Variants in ZEB1 observed in about 807,000 individuals in gnomAD.
ZEB1 encodes zinc finger E-box binding homeobox 1.
In ZEB1, 21 loss-of-function variants were observed where a neutral mutation model predicts 84.9. The ratio of observed to expected loss-of-function variants is 0.25; its 90% CI spans 0.18 to 0.36. The LOEUF is 0.36. Among genes scored for constraint, ZEB1 ranks in the 10% least tolerant of loss-of-function variants. ZEB1 has a pLI of 1.00. For synonymous variants in ZEB1, 420 were observed against 471.1 expected, an observed-to-expected ratio of 0.89 and a Z score of 1.41; for missense variants, 1,104 against 1,330.2, an observed-to-expected ratio of 0.83 and a Z score of 2.65.
Position 31,404,747 on chromosome 10 carries a change from T to C in ZEB1, c.59-56290T>C, listed in dbSNP as rs529532364. 9.4e-4 allele frequency among the ~76,000 whole-genome samples: 143 copies of C among 152,266 alleles called. 1 individual carries two copies. The highest frequency in any genetic ancestry group is 3.3e-3 in the African/African-American group (138 of 41,566). On this transcript the variant is annotated intron_variant, in intron 1 of 8. Coordinates refer to ENST00000424869, the MANE Select transcript of ZEB1 (RefSeq NM_001174096.2). Reference sequence around the variant, plus strand: ...AAACTGCACCTCTCCTTTTATTTTTTTCAATCTGAAGATAGTAGCATGCTT... The same window carrying C: ...AAACTGCACCTCTCCTTTTATTTTTCTCAATCTGAAGATAGTAGCATGCTT...
At chr10:31,420,511 CCT>C (rs1465435875) in intron 1 of ZEB1, among the ~76,000 whole-genome samples, 2 of 152,140 alleles carry the variant, frequency 1.3e-5, no homozygotes, top group Non-Finnish European at 1.5e-5. Flanking sequence ...TACTGCTTTG[CCT>C]CTCTGAATTC....
At chr10:31,321,482 T>A in intron 1 of ZEB1, 1 of 1,614,050 alleles carries the variant, frequency 6.2e-7, no homozygotes, top group Non-Finnish European at 8.5e-7. Flanking sequence ...TCAAATAGTG[T>A]GTGTTCCATA....
chr10:31,485,987 A>C (rs2065706325), intron 2 of ZEB1, among the ~76,000 whole-genome samples: 1 of 151,916 alleles, frequency 6.6e-6, no homozygotes, highest in Non-Finnish European at 1.5e-5. Context: ...CATGAAACAT[A>C]ATCTGTGTCA....
At chr10:31,446,952 A>T (rs183866566) in intron 1 of ZEB1, among the ~76,000 whole-genome samples, 1 of 152,204 alleles carries the variant, frequency 6.6e-6, no homozygotes, top group African/African-American at 2.4e-5. Context: ...AGCTGAGTTC[A>T]ATTCCCTGGG....
In ZEB1 at chr10:31,420,215, C is replaced by T. The variant is rs577675401; in HGVS notation, c.59-40822C>T. Among the ~76,000 whole-genome samples the T allele has an allele frequency of 7.9e-5, 12 of 152,186 alleles. 1 individual carries two copies. Among genetic ancestry groups the T allele is most frequent in the Admixed American group, 6.5e-4 (10 of 15,272 alleles). On this transcript the variant is annotated intron_variant, in intron 1 of 8. Transcript: ENST00000424869. ...TTAATGGATTAACCTTCTATTGCTG[C>T]GTAACAAATGACAAGAAATTTAGTG...
chr10:31,477,389 G>A (rs113056479), intron 2 of ZEB1, among the ~76,000 whole-genome samples: 7,501 of 151,776 alleles, frequency 0.049, 596 homozygotes, highest in African/African-American at 0.17. Flanking sequence ...AAAATATCTC[G>A]TGCTCATGGA....
At chr10:31,323,621 A>G (rs2034683292) in intron 1 of ZEB1, among the ~76,000 whole-genome samples, 1 of 152,144 alleles carries the variant, frequency 6.6e-6, no homozygotes, top group Non-Finnish European at 1.5e-5. Context: ...TCTTATATGC[A>G]GTAAAACTCT....
intron 1 of ZEB1, among the ~76,000 whole-genome samples, chr10:31,445,412 TC>T (rs1366986726): frequency 2.6e-4 from 39 of 147,420 alleles, no homozygotes; most frequent in African/African-American, 9.6e-4. Context: ...TTTATTTCCT[TC>T]TCCTGCCTAA....
chr10:31,470,034 A>C, intron 2 of ZEB1, among the ~76,000 whole-genome samples: 2 of 151,668 alleles, frequency 1.3e-5, no homozygotes, highest in Non-Finnish European at 3.0e-5. Flanking sequence ...AACAAACAGA[A>C]AGGACATCCA....
chr10:31,518,610 C>G (rs2071647128), intron 6 of ZEB1, among the ~76,000 whole-genome samples: 1 of 152,062 alleles, frequency 6.6e-6, no homozygotes, highest in African/African-American at 2.4e-5. Context: ...AATGTATCTG[C>G]ATTTGCACAT....
intron 1 of ZEB1, among the ~76,000 whole-genome samples, chr10:31,343,084 T>A (rs1362969270): frequency 1.3e-5 from 2 of 152,140 alleles, no homozygotes; most frequent in Non-Finnish European, 2.9e-5. Context: ...GCTAGTGGAT[T>A]GCATTTATTC....
intron 6 of ZEB1, among the ~76,000 whole-genome samples, chr10:31,515,242 T>G (rs2070858269): frequency 1.3e-5 from 2 of 152,074 alleles, no homozygotes; most frequent in Non-Finnish European, 2.9e-5. Flanking sequence ...CTATTCCATG[T>G]CATTCTGTAA....
At chr10:31,437,100 A>G (rs2058383639) in intron 1 of ZEB1, among the ~76,000 whole-genome samples, 1 of 152,166 alleles carries the variant, frequency 6.6e-6, no homozygotes, top group African/African-American at 2.4e-5. Context: ...TTAAATAACA[A>G]AGAAACAAAA....
chr10:31,475,038 A>T (rs2063883285), intron 2 of ZEB1, among the ~76,000 whole-genome samples: 1 of 142,084 alleles, frequency 7.0e-6, no homozygotes, highest in Non-Finnish European at 1.5e-5. Flanking sequence ...AGGAAGGGGA[A>T]CATCACACTC....
intron 1 of ZEB1, among the ~76,000 whole-genome samples, chr10:31,330,099 A>G (rs891870078): frequency 1.3e-5 from 2 of 152,128 alleles, no homozygotes; most frequent in Non-Finnish European, 2.9e-5. Flanking sequence ...TTTCTGAGAA[A>G]TCTTTGCCTA....
At chr10:31,388,089 A>G (rs562001525) in intron 1 of ZEB1, among the ~76,000 whole-genome samples, 6 of 152,186 alleles carry the variant, frequency 3.9e-5, no homozygotes, top group Non-Finnish European at 8.8e-5. Context: ...TCATTTGGAT[A>G]TCATTAATTG....
intron 1 of ZEB1, among the ~76,000 whole-genome samples, chr10:31,385,012 T>C (rs573763650): frequency 6.6e-6 from 1 of 152,228 alleles, no homozygotes; most frequent in African/African-American, 2.4e-5. Context: ...AATAGGAAAA[T>C]TGTTTTTAAA....
intron 1 of ZEB1, among the ~76,000 whole-genome samples, chr10:31,413,787 C>T (rs1031810800): frequency 3.9e-5 from 6 of 152,100 alleles, no homozygotes; most frequent in African/African-American, 1.4e-4. Flanking sequence ...CAATTTAGTA[C>T]AATTTAATTT....
chr10:31,436,398 TG>T (rs1170823829), intron 1 of ZEB1, among the ~76,000 whole-genome samples: 1 of 151,418 alleles, frequency 6.6e-6, no homozygotes, highest in Admixed American at 6.6e-5. Flanking sequence ...TATTCTGTTT[TG>T]TTTTTTTGTA....
Sources: allele counts gnomAD v4.1 joint callset (sites outside exome capture counted in the v4.1 genomes callset), GRCh38; gene constraint gnomAD v4.1.1; transcripts MANE v1.5; gene names NCBI Gene and HGNC (gene_info 2026-07-23, HGNC 2026-07-21).